Variants in ZSWIM5 observed in about 807,000 individuals in gnomAD.
ZSWIM5 encodes zinc finger SWIM domain-containing protein 5.
Under a neutral mutation model 119.6 loss-of-function variants are expected in ZSWIM5, and 55 were observed. The observed-to-expected ratio is 0.46, with a 90% CI of 0.37 to 0.58. The LOEUF (loss-of-function observed/expected upper bound fraction) is 0.58. ZSWIM5 is among the 20% of genes least tolerant of loss of function. The pLI is 0.00. For synonymous variants in ZSWIM5, 537 were observed against 606.9 expected, an observed-to-expected ratio of 0.88 and a Z score of 1.69; for missense variants, 1,193 against 1,512.8, an observed-to-expected ratio of 0.79 and a Z score of 3.51.
chr1:45,193,344 A>G (rs1277229671), intron 1 of ZSWIM5, among the ~76,000 whole-genome samples: 1 of 152,196 alleles, frequency 6.6e-6, no homozygotes, highest in Non-Finnish European at 1.5e-5. Flanking sequence ...TTATGTTCAT[A>G]AAATTGTAGT....
intron 8 of ZSWIM5, among the ~76,000 whole-genome samples, chr1:45,037,108 CTTTT>C (rs57405864): frequency 2.2e-5 from 2 of 90,592 alleles, no homozygotes; most frequent in African/African-American, 4.3e-5. Flanking sequence ...GCCCCACCTC[CTTTT>C]TTTTTTTTTT....
At position 45,158,204 on chromosome 1, in the gene ZSWIM5, G is replaced by A. The variant is rs570775973; in HGVS notation, c.595+47552C>T. 9.2e-5 allele frequency among the ~76,000 whole-genome samples: 14 copies of A among 151,954 alleles called. No homozygotes were observed. The South Asian group carries it at 1.2e-3, about 14-fold the overall frequency. ...ATTTTTGAGACAGTCTTGCTCTGTCGCCCAGGCTGGAGTGCTGTGGCATGA... is the reference window on the plus strand; with the variant it reads ...ATTTTTGAGACAGTCTTGCTCTGTCACCCAGGCTGGAGTGCTGTGGCATGA... On this transcript the variant is annotated intron_variant, in intron 1 of 13. Coordinates refer to ENST00000359600, the MANE Select transcript of ZSWIM5 (RefSeq NM_020883.2).
At chr1:45,086,199 A>G (rs1038580646) in intron 2 of ZSWIM5, among the ~76,000 whole-genome samples, 4 of 152,156 alleles carry the variant, frequency 2.6e-5, no homozygotes, top group African/African-American at 7.2e-5. Context: ...CAGTAACTGG[A>G]TCTTGTGAAA....
intron 4 of ZSWIM5, among the ~76,000 whole-genome samples, chr1:45,056,730 G>A (rs1280268727): frequency 6.6e-6 from 1 of 152,152 alleles, no homozygotes; most frequent in Non-Finnish European, 1.5e-5. Flanking sequence ...CTTGAGAAAA[G>A]GAGATAGAAC....
At chr1:45,145,215 A>G (rs766604438) in intron 1 of ZSWIM5, among the ~76,000 whole-genome samples, 2 of 152,200 alleles carry the variant, frequency 1.3e-5, no homozygotes, top group Non-Finnish European at 2.9e-5. Context: ...GCTGGCGTGA[A>G]TACAAAATGG....
chr1:45,153,093 TAAAA>T (rs76324771), intron 1 of ZSWIM5, among the ~76,000 whole-genome samples: 1 of 105,866 alleles, frequency 9.4e-6, no homozygotes, highest in Non-Finnish European at 2.0e-5. Context: ...ATTAAAAAGT[TAAAA>T]AAAAAAAAAA....
intron 1 of ZSWIM5, among the ~76,000 whole-genome samples, chr1:45,186,287 A>C (rs1646058127): frequency 6.7e-6 from 1 of 150,142 alleles, no homozygotes; most frequent in African/African-American, 2.5e-5. Flanking sequence ...GCATTAGGAG[A>C]TATACCTAAT....
intron 2 of ZSWIM5, among the ~76,000 whole-genome samples, chr1:45,063,690 G>A (rs147303731): frequency 1.1e-4 from 16 of 152,220 alleles, no homozygotes; most frequent in African/African-American, 2.9e-4. Flanking sequence ...AGTCAGGGCC[G>A]CAATGAGAAA....
intron 1 of ZSWIM5, among the ~76,000 whole-genome samples, chr1:45,150,533 G>A (rs942281638): frequency 2.0e-5 from 3 of 152,118 alleles, no homozygotes; most frequent in Non-Finnish European, 4.4e-5. Context: ...TGCTTAGAAT[G>A]CATTTACTAC....
intron 1 of ZSWIM5, among the ~76,000 whole-genome samples, chr1:45,188,236 T>G (rs574401836): frequency 1.3e-5 from 2 of 152,314 alleles, no homozygotes; most frequent in South Asian, 2.1e-4. Flanking sequence ...ATGTGGTATA[T>G]CCATACAATG....
At chr1:45,048,091 T>G (rs1335580264) in intron 5 of ZSWIM5, among the ~76,000 whole-genome samples, 1 of 147,590 alleles carries the variant, frequency 6.8e-6, no homozygotes, top group Admixed American at 6.7e-5. Context: ...TCTTTTTTTT[T>G]TTTTTTTTTT....
chr1:45,202,911 A>C (rs1368709807), intron 1 of ZSWIM5, among the ~76,000 whole-genome samples: 1 of 152,000 alleles, frequency 6.6e-6, no homozygotes, highest in Non-Finnish European at 1.5e-5. Flanking sequence ...CTGAATAAGT[A>C]TTTTCCCAAA....
intron 1 of ZSWIM5, among the ~76,000 whole-genome samples, chr1:45,135,870 T>C (rs1292899075): frequency 6.6e-6 from 1 of 150,812 alleles, no homozygotes; most frequent in African/African-American, 2.4e-5. Flanking sequence ...TGTGAAGTCT[T>C]TTTTTTTTGA....
At chr1:45,096,498 T>A (rs901117725) in intron 1 of ZSWIM5, among the ~76,000 whole-genome samples, 1 of 138,142 alleles carries the variant, frequency 7.2e-6, no homozygotes, top group Admixed American at 7.4e-5. Flanking sequence ...TTAAAGAAAA[T>A]GGACAATCAG....
chr1:45,055,259 G>C (rs962358545), intron 4 of ZSWIM5, among the ~76,000 whole-genome samples: 1 of 152,082 alleles, frequency 6.6e-6, no homozygotes, highest in Non-Finnish European at 1.5e-5. Context: ...CAAAGTGCTG[G>C]GATTACAGGT....
chr1:45,022,473 C>T, intron 11 of ZSWIM5, among the ~76,000 whole-genome samples: 1 of 152,208 alleles, frequency 6.6e-6, no homozygotes, highest in South Asian at 2.1e-4. Context: ...AGTGTGTGTG[C>T]ATATATATGA....
At chr1:45,204,381 T>A (rs1287907504) in intron 1 of ZSWIM5, among the ~76,000 whole-genome samples, 1 of 152,216 alleles carries the variant, frequency 6.6e-6, no homozygotes, top group Non-Finnish European at 1.5e-5. Flanking sequence ...AATTACATAT[T>A]TATTCAAGTC....
chr1:45,131,164 T>C (rs1413468954), intron 1 of ZSWIM5, among the ~76,000 whole-genome samples: 1 of 152,150 alleles, frequency 6.6e-6, no homozygotes, highest in Non-Finnish European at 1.5e-5. Flanking sequence ...ATGTAAACAT[T>C]TTGAATCTTA....
chr1:45,021,181 G>A (rs1303692094), intron 11 of ZSWIM5, among the ~76,000 whole-genome samples: 2 of 152,086 alleles, frequency 1.3e-5, no homozygotes, highest in Non-Finnish European at 2.9e-5. Flanking sequence ...GACTACGGGC[G>A]CCCGCCACCA....
Sources: gnomAD v4.1 joint callset for allele counts (sites outside exome capture counted in the v4.1 genomes callset) on GRCh38, gnomAD v4.1.1 for gene constraint, MANE v1.5 for transcripts, NCBI Gene and HGNC (gene_info 2026-07-23, HGNC 2026-07-21) for gene names.